Variants in TSEN2 observed in about 807,000 individuals in gnomAD.
TSEN2 encodes the protein tRNA splicing endonuclease subunit 2.
Under a neutral mutation model 59.2 loss-of-function variants are expected in TSEN2, and 54 were observed. The ratio of observed to expected loss-of-function variants is 0.91; its 90% CI spans 0.73 to 1.14. TSEN2 has a LOEUF of 1.14. TSEN2 is among the 50% of genes most tolerant of loss of function. The pLI is 0.00. For missense variants in TSEN2, 636 were observed against 576.2 expected (o/e 1.10, Z -1.06); for synonymous variants, 195 against 198.2 (o/e 0.98, Z 0.14).
chr3:12,513,066 A>G (rs1478860878), intron 6 of TSEN2, among the ~76,000 whole-genome samples: 1 of 152,136 alleles, frequency 6.6e-6, no homozygotes, highest in Non-Finnish European at 1.5e-5. Flanking sequence ...AATAAAACCA[A>G]CTCAGTTGAA....
chr3:12,490,089 A>G, intron 2 of TSEN2, 100 bp downstream of exon 2: 10 of 1,120,506 alleles, frequency 8.9e-6, no homozygotes, highest in Non-Finnish European at 1.4e-5. Context: ...CCAACCATGA[A>G]CAATGTGTAT....
chr3:12,530,225 C>T, intron 10 of TSEN2: 1 of 1,055,530 alleles, frequency 9.5e-7, no homozygotes, highest in Non-Finnish European at 1.1e-6. Flanking sequence ...CACTCATACA[C>T]ATATTCACAA....
chr3:12,515,058 T>C (rs1026175672), intron 6 of TSEN2: 1 of 152,176 alleles, frequency 6.6e-6, no homozygotes, highest in Non-Finnish European at 1.5e-5. Context: ...CACGTTATTA[T>C]TATGAAGTGG....
intron 1 of TSEN2, among the ~76,000 whole-genome samples, chr3:12,489,181 G>A (rs1264226115): frequency 1.3e-5 from 2 of 152,140 alleles, no homozygotes; most frequent in African/African-American, 4.8e-5. Context: ...TAGAGTCCCT[G>A]CTTGAAGCCA....
chr3:12,481,923 G>GTATATA (rs10557886), upstream of TSEN2, among the ~76,000 whole-genome samples: 862 of 148,388 alleles, frequency 5.8e-3, 10 homozygotes, highest in African/African-American at 0.02. Context: ...GTGTGTCTGC[G>GTATATA]TATATATATA....
At chr3:12,483,905 C>T (rs1345350378), upstream of TSEN2, among the ~76,000 whole-genome samples, 2 of 152,202 alleles carry the variant, frequency 1.3e-5, no homozygotes, top group Non-Finnish European at 2.9e-5. Context: ...CATTCAAGCT[C>T]ACGCAGCCAG....
chr3:12,535,791 C>G (rs2057661505), downstream of TSEN2, among the ~76,000 whole-genome samples: 1 of 152,298 alleles, frequency 6.6e-6, no homozygotes, highest in Non-Finnish European at 1.5e-5. Context: ...CTCGGCCTCC[C>G]AAAGTGCTGG....
chr3:12,487,344 C>CTT (rs775548975), intron 1 of TSEN2, among the ~76,000 whole-genome samples: 4 of 152,218 alleles, frequency 2.6e-5, no homozygotes, highest in Non-Finnish European at 5.9e-5. Context: ...GTACAGAGTT[C>CTT]TTTCGATCAA....
chr3:12,517,685 G>T lies in TSEN2; in HGVS notation c.960+1024G>T, dbSNP rs905856625. ...AATACCGTTCATGGGTATTCCAGCCGTTTGGAAGCAATGTCTGCCTGACAA... is the reference window on the plus strand; with the variant it reads ...AATACCGTTCATGGGTATTCCAGCCTTTTGGAAGCAATGTCTGCCTGACAA... On this transcript the variant is annotated intron_variant, in intron 7 of 11. Transcript: ENST00000284995. 3.9e-5 allele frequency among the ~76,000 whole-genome samples: 6 copies of T among 152,262 alleles called. No homozygotes were observed. The South Asian group carries it at 1.2e-3, about 32-fold the overall frequency.
intron 4 of TSEN2, among the ~76,000 whole-genome samples, chr3:12,502,343 C>A (rs557505521): frequency 6.6e-6 from 1 of 152,000 alleles, no homozygotes; most frequent in African/African-American, 2.4e-5. Flanking sequence ...GTCAGGAGTT[C>A]AAGACCAGCC....
At chr3:12,488,327 A>C (rs1293756041) in intron 1 of TSEN2, among the ~76,000 whole-genome samples, 1 of 152,148 alleles carries the variant, frequency 6.6e-6, no homozygotes, top group East Asian at 1.9e-4. Context: ...ATTTGGCCGC[A>C]CTGTATCTTC....
chr3:12,527,909 G>C (rs575778815), intron 8 of TSEN2, among the ~76,000 whole-genome samples: 1 of 152,298 alleles, frequency 6.6e-6, no homozygotes, highest in South Asian at 2.1e-4. Flanking sequence ...CCCTGCCACA[G>C]ACCATGTGCC....
chr3:12,497,132 G>A (rs892753127), intron 4 of TSEN2, among the ~76,000 whole-genome samples: 1 of 152,116 alleles, frequency 6.6e-6, no homozygotes, highest in Non-Finnish European at 1.5e-5. Flanking sequence ...AGCCCTCTTC[G>A]GCGTGCAGCA....
intron 8 of TSEN2, among the ~76,000 whole-genome samples, chr3:12,520,727 T>A (rs1447268158): frequency 6.6e-6 from 1 of 151,494 alleles, no homozygotes; most frequent in Non-Finnish European, 1.5e-5. Context: ...GAGGCAGAGG[T>A]TGTAGTGAGC....
At chr3:12,508,731 C>T (rs1455267189) in intron 6 of TSEN2, among the ~76,000 whole-genome samples, 1 of 152,198 alleles carries the variant, frequency 6.6e-6, no homozygotes, top group East Asian at 1.9e-4. Flanking sequence ...AATTGAAGAG[C>T]TATAAACTGT....
At chr3:12,480,520 GTTTC>G (rs1433796475), upstream of TSEN2, among the ~76,000 whole-genome samples, 6 of 116,680 alleles carry the variant, frequency 5.1e-5, no homozygotes, top group African/African-American at 1.1e-4. Context: ...TGTTTGTTTT[GTTTC>G]TTTGTTTTTT....
At chr3:12,487,352 C>G (rs1417076583) in intron 1 of TSEN2, among the ~76,000 whole-genome samples, 1 of 152,216 alleles carries the variant, frequency 6.6e-6, no homozygotes, top group East Asian at 1.9e-4. Context: ...TTCTTTCGAT[C>G]AAGTGTCACA....
At chr3:12,489,329 C>T (rs905644) in intron 1 of TSEN2, among the ~76,000 whole-genome samples, 98,006 of 152,098 alleles carry the variant, frequency 0.64, 34,169 homozygotes, top group African/African-American at 0.91. Flanking sequence ...AATGAAGTGC[C>T]TGCAAGATTT....
intron 7 of TSEN2, among the ~76,000 whole-genome samples, chr3:12,517,994 G>A (rs2056305462): frequency 6.6e-6 from 1 of 151,988 alleles, no homozygotes; most frequent in South Asian, 2.1e-4. Context: ...GACAAACTGA[G>A]CCAGTCTCAC....
Sources: gnomAD v4.1 joint callset for allele counts (sites outside exome capture counted in the v4.1 genomes callset) on GRCh38, gnomAD v4.1.1 for gene constraint, MANE v1.5 for transcripts, NCBI Gene and HGNC (gene_info 2026-07-23, HGNC 2026-07-21) for gene names.